The following ZC3H3 variants were observed in gnomAD, a reference collection of about 807,000 sequenced individuals.
ZC3H3 encodes the protein zinc finger CCCH domain-containing protein 3.
A neutral mutation model predicts 77.3 loss-of-function variants in ZC3H3; 36 were observed. The ratio of observed to expected loss-of-function variants is 0.47; its 90% CI spans 0.36 to 0.61. The LOEUF is 0.61. ZC3H3 is among the 20% of genes least tolerant of loss of function. The pLI, the probability that ZC3H3 is intolerant of heterozygous loss-of-function variation, is 0.00. For missense variants in ZC3H3, 1,331 were observed against 1,312.2 expected (o/e 1.01, Z -0.22); for synonymous variants, 626 against 555.2 (o/e 1.13, Z -1.79).
At chr8:143,535,761 T>TA (rs1028073219) in intron 3 of ZC3H3, among the ~76,000 whole-genome samples, 7 of 152,328 alleles carry the variant, frequency 4.6e-5, no homozygotes, top group East Asian at 3.9e-4. Flanking sequence ...TGGGCACACT[T>TA]AGAGTGGTAC....
rs1331698032 is a variant in ZC3H3, at chr8:143,460,731, G to A, written c.2307+4986C>T. On this transcript the variant is annotated intron_variant, in intron 9 of 11. Coordinates refer to ENST00000262577, the MANE Select transcript of ZC3H3 (RefSeq NM_015117.3). This position sits in a 1 kb window ranked among gnomAD's most constrained non-coding sequence, Gnocchi z 4.0. ...TACCATAAGAAAGGAATGAGGTGCT[G>A]CTACACGTGTGAACCCTGGAAACAT... Among the ~76,000 whole-genome samples the A allele has an allele frequency of 6.6e-6, 1 of 152,222 alleles. No individual in the cohort carries two copies. Among genetic ancestry groups the A allele is most frequent in the Non-Finnish European group, 1.5e-5 (1 of 68,040 alleles).
chr8:143,475,201 G>A (rs1820698190), intron 5 of ZC3H3, among the ~76,000 whole-genome samples, 197 bp downstream of exon 5: 1 of 152,236 alleles, frequency 6.6e-6, no homozygotes. Context: ...AGGATGGGAC[G>A]TGACCCATTT....
At chr8:143,510,656 C>T (rs765911591) in intron 3 of ZC3H3, among the ~76,000 whole-genome samples, 6 of 152,214 alleles carry the variant, frequency 3.9e-5, no homozygotes, top group African/African-American at 9.6e-5. Context: ...GGCTGCAGGA[C>T]GCTGCTCTGT....
intron 9 of ZC3H3, 57 bp downstream of exon 9, chr8:143,465,660 C>G: frequency 3.7e-6 from 6 of 1,602,126 alleles, no homozygotes; most frequent in Non-Finnish European, 5.1e-6. Context: ...CAGGAGTGAG[C>G]AGAGGACCAA....
rs964852973 is a variant in ZC3H3, at chr8:143,533,404, C to A, written c.1561+2853G>T. Among the ~76,000 whole-genome samples the A allele has an allele frequency of 1.3e-5, 2 of 152,222 alleles. No individual in the cohort carries two copies. The highest frequency in any genetic ancestry group is 2.4e-5 in the African/African-American group (1 of 41,462). On this transcript the variant is annotated intron_variant, in intron 3 of 11. Transcript: ENST00000262577. The surrounding 1 kb of genome is among the most constrained non-coding windows in gnomAD (Gnocchi z 4.0). The stretch of plus-strand genomic sequence containing the variant: ...CTCTGCAGCTGGCCCTGTGCTCTCC[C>A]CCTGCCTGTTCCTCAGAAGGCATTT...
intron 4 of ZC3H3, among the ~76,000 whole-genome samples, chr8:143,483,576 T>A (rs996640852): frequency 6.6e-6 from 1 of 151,930 alleles, no homozygotes; most frequent in Admixed American, 6.6e-5. Flanking sequence ...AGGCGTGCAG[T>A]GGGGGTGCTA....
chr8:143,529,045 G>T (rs1822512912), intron 3 of ZC3H3, among the ~76,000 whole-genome samples: 1 of 152,250 alleles, frequency 6.6e-6, no homozygotes, highest in Admixed American at 6.5e-5. Flanking sequence ...TGGCCTGGCA[G>T]AATGGACCAC....
At chr8:143,447,344 G>A (rs1047474739) in intron 9 of ZC3H3, among the ~76,000 whole-genome samples, 6 of 152,208 alleles carry the variant, frequency 3.9e-5, no homozygotes, top group Admixed American at 6.5e-5. Context: ...CTTGGAGGAC[G>A]TGTTCCAGAC....
At position 143,541,397 on chromosome 8, in the gene ZC3H3, G is replaced by T; in HGVS notation, c.25C>A (p.Arg9=). The T allele has an allele frequency of 6.2e-7, 1 of 1,611,938 alleles. No individual in the cohort carries two copies. The highest frequency in any genetic ancestry group is 8.5e-7 in the Non-Finnish European group (1 of 1,179,474). MEEKEILR[R]QIRLLQGLID... ...CTACCCTGCAGTAGGCGGATCTGCCGCCGTAATATCTCCTTTTCCTCCATC... is the reference window on the plus strand; with the variant it reads ...CTACCCTGCAGTAGGCGGATCTGCCTCCGTAATATCTCCTTTTCCTCCATC... The change falls in exon 1 of 12, where the codon CGG becomes AGG. Residue 9 remains arginine (R), a synonymous_variant. Transcript: ENST00000262577.
At chr8:143,490,787 T>C (rs1821179896) in intron 4 of ZC3H3, among the ~76,000 whole-genome samples, 1 of 152,240 alleles carries the variant, frequency 6.6e-6, no homozygotes, top group African/African-American at 2.4e-5. Flanking sequence ...TGGTGGTAGG[T>C]GCCTGTAATC....
chr8:143,440,288 T>G lies in ZC3H3; in HGVS notation c.2568A>C (p.Ala856=), dbSNP rs768407761. ...CTGACCCCCCTGGGCAGTGGGGAGG[T>G]GCAGCCACGGCAGCCGCAGTGAGGG... The part of the protein sequence containing the change: ...SAALTAAAVA[A]PPHCPGGSAS... Residue 856 remains alanine (A), a synonymous_variant, in exon 11 of 12, where the codon GCA becomes GCC. Transcript: ENST00000262577. 1 of 1,571,422 alleles carries G rather than the reference T, an allele frequency of 6.4e-7. No homozygotes were observed. The highest frequency in any genetic ancestry group is 8.6e-7 in the Non-Finnish European group (1 of 1,156,256).
chr8:143,516,099 G>A (rs545107491), intron 3 of ZC3H3, among the ~76,000 whole-genome samples: 1 of 152,330 alleles, frequency 6.6e-6, no homozygotes, highest in East Asian at 1.9e-4. Context: ...CTCTAAATGA[G>A]CCGCAATGGC....
Position 143,516,546 on chromosome 8 carries a change from CACACACACACACACACACACAT to C in ZC3H3, c.1562-8669_1562-8648del, listed in dbSNP as rs1339736929. Among the ~76,000 whole-genome samples, 317 of 143,158 alleles carry C rather than the reference CACACACACACACACACACACAT, an allele frequency of 2.2e-3. 2 individuals carry two copies. The highest frequency in any genetic ancestry group is 8.2e-3 in the African/African-American group (304 of 37,166). The allele number at this position is 143,158 out of a possible 152,430, so 93.9% of individuals were successfully genotyped here. On this transcript the variant is annotated intron_variant, in intron 3 of 11. Transcript: ENST00000262577. ...GCAATCACACACACACACACACACA[CACACACACACACACACACACAT>C]ACACACACACACTCACTCTCATGCA...
intron 2 of ZC3H3, among the ~76,000 whole-genome samples, 196 bp downstream of exon 2, chr8:143,537,807 C>T (rs553593293): frequency 6.6e-6 from 1 of 152,128 alleles, no homozygotes; most frequent in Non-Finnish European, 1.5e-5. Context: ...GAAACCTGTC[C>T]CCTAAGTTTA....
intron 9 of ZC3H3, 96 bp downstream of exon 9, chr8:143,465,621 T>C: frequency 1.3e-6 from 2 of 1,549,246 alleles, no homozygotes; most frequent in South Asian, 2.4e-5. Flanking sequence ...GGGCTGCAGA[T>C]GGGTCATCCA....
chr8:143,471,364 A>C (rs1820558367), intron 5 of ZC3H3, among the ~76,000 whole-genome samples: 1 of 152,196 alleles, frequency 6.6e-6, no homozygotes, highest in Non-Finnish European at 1.5e-5. Flanking sequence ...TCGTCACCCC[A>C]GGGAGGGTGG....
intron 4 of ZC3H3, among the ~76,000 whole-genome samples, chr8:143,498,938 A>G (rs183446815): frequency 0.062 from 1,342 of 21,674 alleles, 36 homozygotes; most frequent in African/African-American, 0.2. Context: ...GGCACAGGGC[A>G]GTGCAGGGGG....
At chr8:143,443,798 C>CGCT (rs954832292) in intron 9 of ZC3H3, among the ~76,000 whole-genome samples, 2 of 152,178 alleles carry the variant, frequency 1.3e-5, no homozygotes, top group African/African-American at 4.8e-5. Flanking sequence ...AGACACCGCA[C>CGCT]GCTGTGGTAA....
rs1328742565 is a variant in ZC3H3, at chr8:143,533,397, GCT to G, written c.1561+2858_1561+2859del. 1.3e-5 allele frequency among the ~76,000 whole-genome samples: 2 copies of G among 152,156 alleles called. No homozygotes were observed. The highest frequency in any genetic ancestry group is 4.8e-5 in the African/African-American group (2 of 41,434). ...ACCACCTCTCTGCAGCTGGCCCTGT[GCT>G]CTCCCCCTGCCTGTTCCTCAGAAGG... On this transcript the variant is annotated intron_variant, in intron 3 of 11. Transcript: ENST00000262577. The surrounding 1 kb of genome is among the most constrained non-coding windows in gnomAD (Gnocchi z 4.0).
Sources: allele counts gnomAD v4.1 joint callset (sites outside exome capture counted in the v4.1 genomes callset), GRCh38; gene constraint gnomAD v4.1.1; non-coding constraint Gnocchi (gnomAD v3.1); transcripts MANE v1.5; gene names NCBI Gene and HGNC (gene_info 2026-07-23, HGNC 2026-07-21).